The following DAAM1 variants were observed in gnomAD, a reference collection of about 807,000 sequenced individuals.
The protein encoded by DAAM1 is disheveled-associated activator of morphogenesis 1.
Under a neutral mutation model 130.0 loss-of-function variants are expected in DAAM1, and 52 were observed. The observed-to-expected ratio is 0.40, with a 90% CI of 0.32 to 0.50. The LOEUF is 0.50. Ranked by LOEUF, DAAM1 falls within the 20% of genes least tolerant of loss-of-function variation. The probability of loss-of-function intolerance (pLI) is 0.61; values close to 1 mark genes in which losing one functional copy is unlikely to be tolerated. For missense variants in DAAM1, 1,134 were observed against 1,303.8 expected (o/e 0.87, Z 2.01); for synonymous variants, 452 against 444.5 (o/e 1.02, Z -0.21).
At chr14:59,343,288 C>T (rs1249826512) in intron 16 of DAAM1, among the ~76,000 whole-genome samples, 2 of 152,184 alleles carry the variant, frequency 1.3e-5, no homozygotes, top group Non-Finnish European at 2.9e-5. Context: ...GGGTTAACAG[C>T]TGGACCAGGG....
chr14:59,280,184 A>G (rs1459371055), intron 2 of DAAM1, among the ~76,000 whole-genome samples: 2 of 152,150 alleles, frequency 1.3e-5, no homozygotes, highest in Non-Finnish European at 2.9e-5. Context: ...TGTTACTTCA[A>G]TGTATACCTT....
intron 2 of DAAM1, among the ~76,000 whole-genome samples, chr14:59,273,204 C>A (rs73295988): frequency 6.6e-6 from 1 of 152,156 alleles, no homozygotes; most frequent in South Asian, 2.1e-4. Context: ...ACCATAAAAC[C>A]ATTTTGTTCC....
intron 1 of DAAM1, among the ~76,000 whole-genome samples, chr14:59,226,440 G>A (rs566048945): frequency 3.9e-5 from 6 of 152,296 alleles, no homozygotes; most frequent in African/African-American, 1.4e-4. Context: ...AAGGAAGACT[G>A]GAAAGCATAG....
rs1169300989 is a variant in DAAM1 at position 59,367,469 on chromosome 14, AAATAC to A, written c.2870_2874del (p.Ile957ThrfsTer3). The A allele has an allele frequency of 6.2e-7, 1 of 1,613,698 alleles. No individual in the cohort carries two copies. The highest frequency in any genetic ancestry group is 8.5e-7 in the Non-Finnish European group (1 of 1,179,692). On this transcript the variant is annotated frameshift_variant, in exon 24 of 25. Coordinates refer to ENST00000360909, the MANE Select transcript of DAAM1 (RefSeq NM_001270520.2). LOFTEE classifies it high-confidence loss of function. ...AAGCACTTTGGGGAAGAGGCTGGCA[AAATAC>A]AACCAGATGAGTTCTTTGGCATTTT...
intron 2 of DAAM1, among the ~76,000 whole-genome samples, chr14:59,286,205 T>TA (rs962635151): frequency 6.6e-6 from 1 of 152,000 alleles, no homozygotes; most frequent in Non-Finnish European, 1.5e-5. Flanking sequence ...GGCAAAAGTA[T>TA]AAAAATTTTT....
intron 3 of DAAM1, chr14:59,291,586 C>T: frequency 2.7e-6 from 1 of 365,504 alleles, no homozygotes; most frequent in Non-Finnish European, 5.0e-6. Context: ...TTCCCCCCAA[C>T]CCTGCGCTTT....
intron 18 of DAAM1, 130 bp downstream of exon 18, chr14:59,352,762 C>T (rs1886335129): frequency 1.3e-6 from 1 of 768,584 alleles, no homozygotes; most frequent in Admixed American, 2.9e-5. Flanking sequence ...TTCTAAAAAT[C>T]TTCTCAAGTC....
intron 2 of DAAM1, among the ~76,000 whole-genome samples, chr14:59,279,445 C>T (rs1883115511): frequency 6.6e-6 from 1 of 151,942 alleles, no homozygotes; most frequent in African/African-American, 2.4e-5. Flanking sequence ...TTATTTTTTC[C>T]TTCTCCCATC....
intron 2 of DAAM1, 132 bp from the exon 3 acceptor site, chr14:59,291,085 C>T (rs990001170): frequency 1.3e-6 from 1 of 751,838 alleles, no homozygotes; most frequent in Non-Finnish European, 2.1e-6. Context: ...AACTTAGCTT[C>T]TTGATCTTTT....
At chr14:59,347,682 G>A in intron 17 of DAAM1, 59 bp downstream of exon 17, 2 of 1,525,870 alleles carry the variant, frequency 1.3e-6, no homozygotes, top group Admixed American at 1.7e-5. Context: ...CAGGGAGAGG[G>A]ATGTTGAGAA....
At chr14:59,233,767 G>T (rs1009300542) in intron 1 of DAAM1, among the ~76,000 whole-genome samples, 4 of 152,054 alleles carry the variant, frequency 2.6e-5, no homozygotes, top group African/African-American at 9.7e-5. Context: ...TTATGGTTTT[G>T]AGTTTTACAT....
intron 2 of DAAM1, among the ~76,000 whole-genome samples, chr14:59,280,239 G>C (rs1883150286): frequency 6.6e-6 from 1 of 152,130 alleles, no homozygotes; most frequent in Non-Finnish European, 1.5e-5. Flanking sequence ...ACATTTCACT[G>C]TATGTGCATT....
At chr14:59,264,533 G>A (rs966679232) in intron 2 of DAAM1, 3 of 152,204 alleles carry the variant, frequency 2.0e-5, no homozygotes, top group Non-Finnish European at 4.4e-5. Context: ...ACAGCACACA[G>A]TGGGAGTGGC....
chr14:59,212,824 G>A (rs763066641), intron 1 of DAAM1, among the ~76,000 whole-genome samples: 9 of 152,156 alleles, frequency 5.9e-5, no homozygotes, highest in African/African-American at 1.4e-4. Flanking sequence ...CTCTGTCGCA[G>A]TGGCTCCCAA....
At chr14:59,198,330 C>T (rs1887977385) in intron 1 of DAAM1, among the ~76,000 whole-genome samples, 1 of 151,904 alleles carries the variant, frequency 6.6e-6, no homozygotes, top group South Asian at 2.1e-4. Context: ...CTCAGCCTCC[C>T]AAGTAGCTGG....
At chr14:59,306,268 C>T (rs17096056) in intron 3 of DAAM1, among the ~76,000 whole-genome samples, 9,710 of 152,224 alleles carry the variant, frequency 0.064, 407 homozygotes, top group Non-Finnish European at 0.094. Flanking sequence ...AGGGATCACT[C>T]ACAAGGAGAG....
At chr14:59,220,535 A>C (rs1165050138) in intron 1 of DAAM1, among the ~76,000 whole-genome samples, 1 of 152,212 alleles carries the variant, frequency 6.6e-6, no homozygotes, top group Non-Finnish European at 1.5e-5. Context: ...TGTTTTCTCA[A>C]GGAAACAGGA....
chr14:59,297,676 G>A lies in DAAM1; in HGVS notation c.273+6370G>A, dbSNP rs1884005306. Among the ~76,000 whole-genome samples, 3 of 152,118 alleles carry A rather than the reference G, an allele frequency of 2.0e-5. No homozygotes were observed. The South Asian group carries it at 6.2e-4, about 31-fold the overall frequency. ...GAGATCCAAAAATAAGTGACTACAGGACAATAAGATATTTTGACAAAGAGA... is the reference window on the plus strand; with the variant it reads ...GAGATCCAAAAATAAGTGACTACAGAACAATAAGATATTTTGACAAAGAGA... On this transcript the variant is annotated intron_variant, in intron 3 of 24. Transcript: ENST00000360909.
rs1342920261 is a variant in DAAM1, at chr14:59,369,999, T to C, written c.*1140T>C. On this transcript the variant is annotated 3_prime_UTR_variant, in exon 25 of 25. Coordinates refer to ENST00000360909, the MANE Select transcript of DAAM1 (RefSeq NM_001270520.2). ...GTGTCAGTAAAGCTACCTGTAAAATTTCAGTCCAAAAAAATAAAGCTCTCA... is the reference window on the plus strand; with the variant it reads ...GTGTCAGTAAAGCTACCTGTAAAATCTCAGTCCAAAAAAATAAAGCTCTCA... 6.6e-6 allele frequency: 1 copy of C among 151,728 alleles called. No homozygotes were observed. Among genetic ancestry groups the C allele is most frequent in the Non-Finnish European group, 1.5e-5 (1 of 67,874 alleles). The allele number at this position is 151,728 out of a possible 1,614,324, so 9.4% of individuals were successfully genotyped here.
Sources: allele counts gnomAD v4.1 joint callset (sites outside exome capture counted in the v4.1 genomes callset), GRCh38; gene constraint gnomAD v4.1.1; transcripts MANE v1.5; gene names NCBI Gene and HGNC (gene_info 2026-07-23, HGNC 2026-07-21).